The following SLC12A6 variants were observed in gnomAD, a reference collection of about 807,000 sequenced individuals.
SLC12A6 encodes K-Cl cotransporter 3.
A neutral mutation model predicts 135.3 loss-of-function variants in SLC12A6; 66 were observed. The observed-to-expected ratio is 0.49, with a 90% CI of 0.40 to 0.60. The LOEUF is 0.60. SLC12A6 is among the 20% of genes least tolerant of loss of function. The probability of loss-of-function intolerance (pLI) is 0.00; values close to 1 mark genes in which losing one functional copy is unlikely to be tolerated. For synonymous variants in SLC12A6, 513 were observed against 508.8 expected (o/e 1.01, Z -0.11); for missense variants, 1,058 against 1,452.3 (o/e 0.73, Z 4.41).
intron 2 of SLC12A6, among the ~76,000 whole-genome samples, chr15:34,313,394 G>A (rs751115416): frequency 2.0e-5 from 3 of 152,200 alleles, no homozygotes; most frequent in South Asian, 2.1e-4. Context: ...ACCTAATCCA[G>A]AACAAGACCC....
intron 2 of SLC12A6, among the ~76,000 whole-genome samples, chr15:34,302,689 G>A (rs931191348): frequency 2.6e-5 from 4 of 152,142 alleles, no homozygotes; most frequent in African/African-American, 9.7e-5. Context: ...AGTGGCTCAT[G>A]CCTATAATCT....
intron 3 of SLC12A6, among the ~76,000 whole-genome samples, chr15:34,269,630 T>C (rs900204557): frequency 3.3e-5 from 5 of 152,230 alleles, no homozygotes; most frequent in African/African-American, 1.2e-4. Context: ...TTGCCATTGA[T>C]GTGTTAAGGA....
intron 2 of SLC12A6, among the ~76,000 whole-genome samples, chr15:34,322,210 T>C (rs750440682): frequency 1.2e-4 from 18 of 152,004 alleles, no homozygotes; most frequent in Non-Finnish European, 2.2e-4. Flanking sequence ...GGGAGAAACA[T>C]TGTCTCTACT....
intron 2 of SLC12A6, among the ~76,000 whole-genome samples, chr15:34,294,011 A>G (rs1895715645): frequency 1.3e-5 from 2 of 152,270 alleles, no homozygotes; most frequent in Non-Finnish European, 1.5e-5. Context: ...TTGCAAATGT[A>G]TATTAATTCA....
intron 9 of SLC12A6, among the ~76,000 whole-genome samples, chr15:34,253,016 A>G (rs1446424018): frequency 6.6e-6 from 1 of 152,220 alleles, no homozygotes; most frequent in Non-Finnish European, 1.5e-5. Context: ...GCCTAGACTC[A>G]GTGGGAGTGA....
At chr15:34,254,956 G>A (rs1199620032) in intron 8 of SLC12A6, among the ~76,000 whole-genome samples, 2 of 152,160 alleles carry the variant, frequency 1.3e-5, no homozygotes, top group Admixed American at 1.3e-4. Context: ...AGAGATATGA[G>A]AAGCATTTTA....
chr15:34,322,961 A>G (rs1338522584), intron 2 of SLC12A6, among the ~76,000 whole-genome samples: 6 of 133,812 alleles, frequency 4.5e-5, no homozygotes, highest in African/African-American at 1.5e-4. Flanking sequence ...CCTGGGCGAC[A>G]GAGTGAAACT....
chr15:34,251,200 C>T, intron 10 of SLC12A6, 143 bp from the exon 11 acceptor site: 1 of 676,290 alleles, frequency 1.5e-6, no homozygotes, highest in Admixed American at 2.5e-5. Flanking sequence ...CACATGTATA[C>T]ACACACATTG....
intron 2 of SLC12A6, among the ~76,000 whole-genome samples, chr15:34,290,485 T>A (rs934853081): frequency 2.0e-5 from 3 of 152,196 alleles, no homozygotes; most frequent in Non-Finnish European, 4.4e-5. Flanking sequence ...TCTGTAGATA[T>A]CTATTAGGTT....
intron 2 of SLC12A6, among the ~76,000 whole-genome samples, chr15:34,305,742 T>G (rs1179789011): frequency 2.0e-5 from 3 of 151,788 alleles, no homozygotes; most frequent in Non-Finnish European, 4.4e-5. Flanking sequence ...CATGTTCAAG[T>G]TTCTCTCTCC....
Position 34,254,578 on chromosome 15 carries a change from G to A in SLC12A6, c.888C>T (p.Val296=), listed in dbSNP as rs143479723. ...GAIEIFLVYI[V]PRAAIFHSDD... is the part of the protein sequence containing the mutation. Reference sequence around the variant, plus strand: ...CACTGTGAAAGATGGCAGCTCGGGGGACGATATAGACCTGTTAGGTAAAAA... The same window carrying A: ...CACTGTGAAAGATGGCAGCTCGGGGAACGATATAGACCTGTTAGGTAAAAA... Residue 296 remains valine, a synonymous_variant, in exon 9 of 26, where the codon GTC becomes GTT. Transcript: ENST00000354181. 2 of 1,605,054 alleles carry A rather than the reference G, an allele frequency of 1.2e-6. No individual in the cohort carries two copies. Among genetic ancestry groups the A allele is most frequent in the East Asian group, 4.5e-5 (2 of 44,822 alleles).
At chr15:34,329,239 T>A (rs756086) in intron 2 of SLC12A6, among the ~76,000 whole-genome samples, 24 of 152,020 alleles carry the variant, frequency 1.6e-4, no homozygotes, top group Non-Finnish European at 4.4e-5. Flanking sequence ...TCCAGTGAAG[T>A]CATGATGGCT....
At chr15:34,257,030 A>G (rs1892799216) in intron 6 of SLC12A6, among the ~76,000 whole-genome samples, 1 of 152,216 alleles carries the variant, frequency 6.6e-6, no homozygotes, top group Admixed American at 6.5e-5. Flanking sequence ...TTTGCTCATC[A>G]GCTGGGGATA....
rs760508999 is a variant in SLC12A6 at position 34,252,287 on chromosome 15, A to G, written c.1216T>C (p.Trp406Arg). ...INNMTVPSKLWGFFCNSSQFF... is the reference protein window; with the variant it reads ...INNMTVPSKLRGFFCNSSQFF... ...TGACTCGAGTTACAGAAGAATCCCC[A>G]TAACTTTGATGGGACTGTCATGTTG... Residue 406 changes from tryptophan (W) to arginine (R), a missense_variant, in exon 10 of 26, where the codon TGG becomes CGG. Trp to Arg is a moderately radical substitution (Grantham distance 101). Coordinates refer to ENST00000354181, the MANE Select transcript of SLC12A6 (RefSeq NM_001365088.1). 6.2e-7 allele frequency: 1 copy of G among 1,607,314 alleles called. No individual in the cohort carries two copies. The highest frequency in any genetic ancestry group is 8.5e-7 in the Non-Finnish European group (1 of 1,173,810).
At chr15:34,336,885 G>C (rs1890235021) in intron 1 of SLC12A6, 133 bp from the exon 2 acceptor site, 2 of 606,240 alleles carry the variant, frequency 3.3e-6, no homozygotes, top group Non-Finnish European at 2.9e-6. Context: ...TCACCAATAG[G>C]TGAATATATT....
At chr15:34,246,497 C>G (rs1891999766) in intron 13 of SLC12A6, among the ~76,000 whole-genome samples, 1 of 152,112 alleles carries the variant, frequency 6.6e-6, no homozygotes, top group Admixed American at 6.5e-5. Context: ...TCATAAAAAG[C>G]TATGAATAAA....
At chr15:34,278,436 G>GA (rs979382159) in intron 2 of SLC12A6, among the ~76,000 whole-genome samples, 4 of 151,234 alleles carry the variant, frequency 2.6e-5, no homozygotes, top group Admixed American at 2.0e-4. Flanking sequence ...CAAAAAAAAA[G>GA]AAAAAAATTA....
Position 34,238,738 on chromosome 15 carries a change from G to A in SLC12A6, c.2632+227C>T, listed in dbSNP as rs76270282. 0.061 allele frequency: 37,837 copies of A among 617,620 alleles called. 1,419 individuals are homozygous for A. The highest frequency in any genetic ancestry group is 0.082 in the Middle Eastern group (187 of 2,276). The allele number at this position is 617,620 out of a possible 1,614,324, so 38.3% of individuals were successfully genotyped here. Reference sequence around the variant, plus strand: ...CACAAATGAAAACACGGCAATTTTGGAGATAATTCCTAGCACAAGACTTGA... The same window carrying A: ...CACAAATGAAAACACGGCAATTTTGAAGATAATTCCTAGCACAAGACTTGA... On this transcript the variant is annotated intron_variant, in intron 20 of 25. Transcript: ENST00000354181.
At chr15:34,292,895 A>C (rs1895638727) in intron 2 of SLC12A6, among the ~76,000 whole-genome samples, 1 of 152,162 alleles carries the variant, frequency 6.6e-6, no homozygotes, top group Admixed American at 6.5e-5. Context: ...GCAGGAGTGT[A>C]CCACTCCTCC....
Sources: allele counts gnomAD v4.1 joint callset (sites outside exome capture counted in the v4.1 genomes callset), GRCh38; gene constraint gnomAD v4.1.1; transcripts MANE v1.5; gene names NCBI Gene and HGNC (gene_info 2026-07-23, HGNC 2026-07-21).